The following FRMD3 variants were observed in gnomAD, a reference collection of about 807,000 sequenced individuals.
The protein encoded by FRMD3 is FERM domain-containing protein 3.
A neutral mutation model predicts 70.2 loss-of-function variants in FRMD3; 33 were observed. That is an observed-to-expected ratio of 0.47 (90% CI 0.36 to 0.63). The LOEUF (loss-of-function observed/expected upper bound fraction) is 0.63. FRMD3 is among the 20% of genes least tolerant of loss of function. The pLI is 0.00. For missense variants in FRMD3, 632 were observed against 711.4 expected (o/e 0.89, Z 1.27); for synonymous variants, 279 against 255.9 (o/e 1.09, Z -0.86).
chr9:83,557,117 A>G, the FRMD3 span, among the ~76,000 whole-genome samples: 1 of 152,176 alleles, frequency 6.6e-6, no homozygotes, highest in African/African-American at 2.4e-5. Context: ...AGACAAAGCA[A>G]TAAGAAAAAG....
At chr9:83,258,151 C>G (rs1177662019) in intron 13 of FRMD3, among the ~76,000 whole-genome samples, 1 of 152,208 alleles carries the variant, frequency 6.6e-6, no homozygotes, top group African/African-American at 2.4e-5. Context: ...CCCAATACAA[C>G]AGCATGCCCT....
At chr9:83,525,736 C>T (rs1829670720) in intron 1 of FRMD3, among the ~76,000 whole-genome samples, 1 of 152,314 alleles carries the variant, frequency 6.6e-6, no homozygotes, top group East Asian at 1.9e-4. Context: ...AGTGCTTTTC[C>T]ACTGACAACC....
At chr9:83,513,630 TATCATGAAGTAGAAAGAA>T (rs1345367265) in intron 1 of FRMD3, among the ~76,000 whole-genome samples, 3 of 152,192 alleles carry the variant, frequency 2.0e-5, no homozygotes, top group African/African-American at 7.2e-5. Flanking sequence ...AATAATGCCT[TATCATGAAGTAGAAAGAA>T]ATATGAAAAT....
At chr9:83,574,453 T>C in the FRMD3 span, among the ~76,000 whole-genome samples, 1 of 152,208 alleles carries the variant, frequency 6.6e-6, no homozygotes, top group Admixed American at 6.5e-5. Context: ...ATAAGTTCCA[T>C]TCGAGAAGAA....
At chr9:83,581,521 T>C in the FRMD3 span, among the ~76,000 whole-genome samples, 6 of 152,282 alleles carry the variant, frequency 3.9e-5, no homozygotes, top group East Asian at 9.6e-4. Flanking sequence ...GAATGTAAAA[T>C]GGTGTGGCTG....
At chr9:83,501,343 T>C (rs1263863617) in intron 1 of FRMD3, among the ~76,000 whole-genome samples, 1 of 151,704 alleles carries the variant, frequency 6.6e-6, no homozygotes, top group African/African-American at 2.4e-5. Context: ...AGTAAGTATG[T>C]GTTGAAAGGA....
At chr9:83,322,803 C>A (rs934252680) in intron 6 of FRMD3, among the ~76,000 whole-genome samples, 2 of 152,150 alleles carry the variant, frequency 1.3e-5, no homozygotes, top group Admixed American at 6.5e-5. Context: ...TGCCTCGAAC[C>A]CTCTCCTTAC....
intron 1 of FRMD3, among the ~76,000 whole-genome samples, chr9:83,406,191 G>T (rs1826097844): frequency 6.6e-6 from 1 of 152,120 alleles, no homozygotes; most frequent in Non-Finnish European, 1.5e-5. Flanking sequence ...TCTGCCTCCA[G>T]TCACTAACAC....
the FRMD3 span, among the ~76,000 whole-genome samples, chr9:83,555,775 T>C: frequency 1.3e-5 from 2 of 152,240 alleles, no homozygotes; most frequent in African/African-American, 4.8e-5. Context: ...CAGGCATGCT[T>C]GAGCAGCTGC....
intron 1 of FRMD3, among the ~76,000 whole-genome samples, chr9:83,512,376 G>A (rs2131532240): frequency 6.6e-6 from 1 of 152,266 alleles, no homozygotes; most frequent in Middle Eastern, 3.4e-3. Context: ...CACACAAGGG[G>A]TGAACAAGTT....
chr9:83,258,720 C>T (rs1832842508), intron 13 of FRMD3, among the ~76,000 whole-genome samples: 1 of 152,222 alleles, frequency 6.6e-6, no homozygotes, highest in African/African-American at 2.4e-5. Context: ...ACCCACATGG[C>T]AATGTCTTTC....
At chr9:83,547,015 G>C in the FRMD3 span, among the ~76,000 whole-genome samples, 1 of 151,526 alleles carries the variant, frequency 6.6e-6, no homozygotes, top group Non-Finnish European at 1.5e-5. Flanking sequence ...TAAAGGCATG[G>C]AAAAAGACAT....
chr9:83,337,436 A>G (rs1453523774), intron 5 of FRMD3, among the ~76,000 whole-genome samples: 1 of 152,224 alleles, frequency 6.6e-6, no homozygotes, highest in Non-Finnish European at 1.5e-5. Flanking sequence ...CAGAAGGCCA[A>G]GCAGAGATGG....
chr9:83,281,517 A>G (rs1477351829), intron 13 of FRMD3: 1 of 152,106 alleles, frequency 6.6e-6, no homozygotes, highest in African/African-American at 2.4e-5. Flanking sequence ...TGAAGCAATT[A>G]ATTATTATTA....
chr9:83,514,644 C>T (rs1829414799), intron 1 of FRMD3, among the ~76,000 whole-genome samples: 1 of 152,204 alleles, frequency 6.6e-6, no homozygotes, highest in Non-Finnish European at 1.5e-5. Flanking sequence ...AAGTAGGTCC[C>T]TGACCCCCAT....
At chr9:83,513,927 T>C (rs1190792272) in intron 1 of FRMD3, among the ~76,000 whole-genome samples, 1 of 152,218 alleles carries the variant, frequency 6.6e-6, no homozygotes, top group Non-Finnish European at 1.5e-5. Flanking sequence ...TGGTGCATTC[T>C]GGCCCAGATA....
intron 1 of FRMD3, among the ~76,000 whole-genome samples, chr9:83,417,837 G>A (rs1473723870): frequency 6.6e-6 from 1 of 152,164 alleles, no homozygotes; most frequent in African/African-American, 2.4e-5. Flanking sequence ...AGAGAGGAGT[G>A]AAGGAAGTTC....
chr9:83,523,858 T>C (rs576784653), intron 1 of FRMD3, among the ~76,000 whole-genome samples: 46 of 152,324 alleles, frequency 3.0e-4, no homozygotes, highest in Non-Finnish European at 5.1e-4. Flanking sequence ...AGGCAAAAGG[T>C]GTCACTCAAG....
the FRMD3 span, among the ~76,000 whole-genome samples, chr9:83,573,576 C>A: frequency 6.6e-6 from 1 of 152,124 alleles, no homozygotes. Context: ...GACCTGAACA[C>A]AACTAGTCTC....
Sources: allele counts gnomAD v4.1 joint callset (sites outside exome capture counted in the v4.1 genomes callset), GRCh38; gene constraint gnomAD v4.1.1; transcripts MANE v1.5; gene names NCBI Gene and HGNC (gene_info 2026-07-23, HGNC 2026-07-21).